Variants in PPP1R3A observed in about 807,000 individuals in gnomAD.
PPP1R3A encodes protein phosphatase 1 regulatory subunit 3A.
A neutral mutation model predicts 41.7 loss-of-function variants in PPP1R3A; 29 were observed. The observed-to-expected ratio is 0.70, with a 90% CI of 0.52 to 0.95. PPP1R3A has a LOEUF of 0.95. Ranked by LOEUF, PPP1R3A falls within the 40% of genes least tolerant of loss-of-function variation. The probability of loss-of-function intolerance (pLI) is 0.00; values close to 1 mark genes in which losing one functional copy is unlikely to be tolerated. For synonymous variants in PPP1R3A, 485 were observed against 453.4 expected (o/e 1.07, Z -0.89); for missense variants, 1,352 against 1,292.4 (o/e 1.05, Z -0.71).
intron 1 of PPP1R3A, among the ~76,000 whole-genome samples, chr7:113,910,809 A>G (rs944063835): frequency 7.2e-5 from 11 of 152,134 alleles, no homozygotes; most frequent in African/African-American, 2.4e-4. Context: ...TTCTCTAAAT[A>G]CCACGGATGA....
Position 113,882,083 on chromosome 7 carries a change from T to G in PPP1R3A, c.922A>C (p.Asn308His). 1 of 1,612,562 alleles carries G rather than the reference T, an allele frequency of 6.2e-7. No individual in the cohort carries two copies. The highest frequency in any genetic ancestry group is 8.5e-7 in the Non-Finnish European group (1 of 1,178,958). Residue 308 changes from asparagine to histidine, a missense_variant, in exon 3 of 4, where the codon AAC becomes CAC. Coordinates refer to ENST00000284601, the MANE Select transcript of PPP1R3A (RefSeq NM_002711.4). The stretch of plus-strand genomic sequence containing the variant: ...TCATTATGTTCATCATGTTCCCTGT[T>G]TACATCTTTTACATTTCGATTACTG... ...EASNRNVKDV[N>H]REHDEHNEKE... is the part of the protein sequence containing the mutation.
chr7:113,917,372 C>G (rs1797357970), intron 1 of PPP1R3A, among the ~76,000 whole-genome samples: 1 of 152,020 alleles, frequency 6.6e-6, no homozygotes. Context: ...GTTTTCTCTA[C>G]TTACCTAGTG....
intron 1 of PPP1R3A, among the ~76,000 whole-genome samples, chr7:113,898,132 A>C (rs1382049611): frequency 6.6e-6 from 1 of 151,870 alleles, no homozygotes; most frequent in Non-Finnish European, 1.5e-5. Flanking sequence ...GTGTTCATTC[A>C]AAAAATATTT....
chr7:113,904,276 G>T (rs565950804), intron 1 of PPP1R3A, among the ~76,000 whole-genome samples: 2 of 151,578 alleles, frequency 1.3e-5, no homozygotes, highest in Non-Finnish European at 3.0e-5. Flanking sequence ...ACCCAGCTTC[G>T]CCTGCTATAC....
intron 1 of PPP1R3A, among the ~76,000 whole-genome samples, chr7:113,909,106 C>A (rs1180991734): frequency 6.6e-6 from 1 of 151,726 alleles, no homozygotes; most frequent in Non-Finnish European, 1.5e-5. Context: ...ATGTAACAAA[C>A]CTGCACATGG....
chr7:113,887,032 C>T (rs566699934), intron 1 of PPP1R3A, among the ~76,000 whole-genome samples: 1 of 152,214 alleles, frequency 6.6e-6, no homozygotes, highest in African/African-American at 2.4e-5. Flanking sequence ...AGCATCGTCT[C>T]CACCCTCCCT....
chr7:113,895,577 G>A (rs954254213), intron 1 of PPP1R3A, among the ~76,000 whole-genome samples: 12 of 151,994 alleles, frequency 7.9e-5, no homozygotes, highest in Non-Finnish European at 1.6e-4. Flanking sequence ...CTGCTTTATA[G>A]TTTTTATAAG....
At position 113,878,765 on chromosome 7, in the gene PPP1R3A, T is replaced by G. The variant is rs771787464; in HGVS notation, c.2327A>C (p.His776Pro). ...ATGTGAATCATCATTTCTCCCTTCA[T>G]GTGGATCAAACGCTGTTTCCTTTAC... ...IEVKETAFDP[H>P]EGRNDDSHYT... Residue 776 changes from histidine (H) to proline (P), a missense_variant, in exon 4 of 4, where the codon CAT (histidine) becomes CCT (proline). Coordinates refer to ENST00000284601, the MANE Select transcript of PPP1R3A (RefSeq NM_002711.4). The G allele has an allele frequency of 1.4e-5, 22 of 1,613,482 alleles. No homozygotes were observed. The African/African-American group carries it at 2.5e-4, about 19-fold the overall frequency.
At position 113,877,935 on chromosome 7, in the gene PPP1R3A, T is replaced by C; in HGVS notation, c.3157A>G (p.Ser1053Gly). 6.2e-7 allele frequency: 1 copy of C among 1,613,464 alleles called. No homozygotes were observed. The highest frequency in any genetic ancestry group is 8.5e-7 in the Non-Finnish European group (1 of 1,179,616). ...GCTTGACTTTCCTCAACAGGAAGAC[T>C]AGTAGAAGCAGAGCTGTCAGATTCC... ...EKESDSSAST[S>G]LPVEESQAQG... is the part of the protein sequence containing the mutation. Residue 1053 changes from serine (S) to glycine (G), a missense_variant, in exon 4 of 4, where the codon AGT becomes GGT. Transcript: ENST00000284601.
At position 113,879,077 on chromosome 7, in the gene PPP1R3A, A is replaced by G; in HGVS notation, c.2015T>C (p.Ile672Thr). ...QGKSRENKTN[I>T]TEHIKGQTDC... The stretch of plus-strand genomic sequence containing the variant: ...TGTTTGTCCTTTGATATGCTCTGTT[A>G]TGTTTGTCTTATTCTCTCTTGATTT... Residue 672 changes from isoleucine to threonine, a missense_variant, in exon 4 of 4, where the codon ATA becomes ACA. Transcript: ENST00000284601. 1 of 1,613,658 alleles carries G rather than the reference A, an allele frequency of 6.2e-7. No homozygotes were observed. Among genetic ancestry groups the G allele is most frequent in the Non-Finnish European group, 8.5e-7 (1 of 1,179,766 alleles).
At chr7:113,900,885 T>A (rs1158743207) in intron 1 of PPP1R3A, among the ~76,000 whole-genome samples, 1 of 151,284 alleles carries the variant, frequency 6.6e-6, no homozygotes, top group Non-Finnish European at 1.5e-5. Context: ...TACTAGAAAT[T>A]AATAATTCAA....
chr7:113,879,974 G>T lies in PPP1R3A; in HGVS notation c.1118C>A (p.Ser373Tyr), dbSNP rs775744974. ...GEICTDLFQRSLSPSSSAESS... is the reference protein window; with the variant it reads ...GEICTDLFQRYLSPSSSAESS... ...TTCTGCTGATGAACTTGGAGACAGA[G>T]ACCTTTGGAACAAGTCAGTACATAT... is the stretch of plus-strand genomic sequence containing the variant. The change falls in exon 4 of 4, where the codon TCT becomes TAT. Residue 373 changes from serine to tyrosine, a missense_variant. By Grantham distance (144) the Ser-to-Tyr change is moderately radical (BLOSUM62 -2). Coordinates refer to ENST00000284601, the MANE Select transcript of PPP1R3A (RefSeq NM_002711.4). 6.2e-7 allele frequency: 1 copy of T among 1,613,502 alleles called. No homozygotes were observed. Among genetic ancestry groups the T allele is most frequent in the Non-Finnish European group, 8.5e-7 (1 of 1,179,620 alleles).
chr7:113,882,280 CAA>C lies in PPP1R3A; in HGVS notation c.821_822del (p.Phe274Ter). The stretch of plus-strand genomic sequence containing the variant: ...ATATTACCTGTATTCTTTGGATTCT[CAA>C]AGTTATTTTCTTCTGATGTTACTGA... ...ESSVTSEENNFENPKNTDTYI... is the reference protein window; with the variant it reads ...ESSVTSEENNXENPKNTDTYI... On this transcript the variant is annotated frameshift_variant, in exon 2 of 4. Coordinates refer to ENST00000284601, the MANE Select transcript of PPP1R3A (RefSeq NM_002711.4). LOFTEE classifies it high-confidence loss of function. The C allele has an allele frequency of 6.7e-7, 1 of 1,492,472 alleles. No individual in the cohort carries two copies. 92.5% of individuals were successfully genotyped at this position (1,492,472 alleles called of 1,614,324 possible). A position where few individuals can be genotyped will look rare whatever the true frequency, so the allele number is the denominator to read the frequency against.
intron 1 of PPP1R3A, among the ~76,000 whole-genome samples, chr7:113,884,865 AG>A (rs1025473228): frequency 2.0e-5 from 3 of 152,046 alleles, no homozygotes; most frequent in Non-Finnish European, 4.4e-5. Flanking sequence ...CATTGTGTGT[AG>A]GGGGGCAAGG....
intron 1 of PPP1R3A, among the ~76,000 whole-genome samples, chr7:113,909,118 C>T (rs930132478): frequency 6.6e-6 from 1 of 151,674 alleles, no homozygotes; most frequent in African/African-American, 2.4e-5. Flanking sequence ...TGCACATGGA[C>T]CCCTTGAATC....
chr7:113,908,868 C>T (rs1797190618), intron 1 of PPP1R3A, among the ~76,000 whole-genome samples: 1 of 151,810 alleles, frequency 6.6e-6, no homozygotes, highest in South Asian at 2.1e-4. Flanking sequence ...AGGCCATTAT[C>T]CTAAGTGAAT....
intron 1 of PPP1R3A, among the ~76,000 whole-genome samples, chr7:113,905,088 G>C (rs978667181): frequency 6.6e-6 from 1 of 151,526 alleles, no homozygotes; most frequent in African/African-American, 2.4e-5. Context: ...TGAGTATTAG[G>C]AAAAATTATA....
chr7:113,916,993 G>T lies in PPP1R3A; in HGVS notation c.782+1222C>A, dbSNP rs963642392. On this transcript the variant is annotated intron_variant, in intron 1 of 3. Coordinates refer to ENST00000284601, the MANE Select transcript of PPP1R3A (RefSeq NM_002711.4). ...GAAAATAAACATAATATATATGTTT[G>T]AATTGCTTCCATCTATACTGCATTT... Among the ~76,000 whole-genome samples, 4 of 151,894 alleles carry T rather than the reference G, an allele frequency of 2.6e-5. No individual in the cohort carries two copies. The East Asian group carries it at 7.7e-4, about 29-fold the overall frequency.
intron 1 of PPP1R3A, among the ~76,000 whole-genome samples, chr7:113,909,076 C>T (rs1018649152): frequency 2.0e-5 from 3 of 151,882 alleles, no homozygotes; most frequent in African/African-American, 7.2e-5. Flanking sequence ...GTCCAAACCC[C>T]AGCCTTATGC....
Sources: gnomAD v4.1 joint callset for allele counts (sites outside exome capture counted in the v4.1 genomes callset) on GRCh38, gnomAD v4.1.1 for gene constraint, MANE v1.5 for transcripts, NCBI Gene and HGNC (gene_info 2026-07-23, HGNC 2026-07-21) for gene names.